Variants in CSMD1 observed in about 807,000 individuals in gnomAD.
The protein encoded by CSMD1 is CUB and Sushi multiple domains 1.
In CSMD1, 213 loss-of-function variants were observed where a neutral mutation model predicts 417.5. The ratio of observed to expected loss-of-function variants is 0.51; its 90% CI spans 0.46 to 0.57. CSMD1 has a LOEUF of 0.57. Ranked by LOEUF, CSMD1 falls within the 20% of genes least tolerant of loss-of-function variation. The pLI, the probability that CSMD1 is intolerant of heterozygous loss-of-function variation, is 0.00. For missense variants in CSMD1, 6,923 were observed against 4,529.7 expected, an observed-to-expected ratio of 1.53 and a Z score of -15.17; for synonymous variants, 2,862 against 1,736.8, an observed-to-expected ratio of 1.65 and a Z score of -16.11.
intron 4 of CSMD1, among the ~76,000 whole-genome samples, chr8:4,009,824 G>C (rs1317183662): frequency 6.6e-6 from 1 of 152,008 alleles, no homozygotes; most frequent in Non-Finnish European, 1.5e-5. Context: ...TGTTCTCAGA[G>C]AGTCAACCCC....
chr8:3,649,892 T>C (rs1797760478), intron 7 of CSMD1, among the ~76,000 whole-genome samples: 1 of 152,220 alleles, frequency 6.6e-6, no homozygotes, highest in South Asian at 2.1e-4. Flanking sequence ...TTGAATACTA[T>C]CTAGCCCAGA....
intron 5 of CSMD1, among the ~76,000 whole-genome samples, chr8:3,883,163 G>A (rs937021948): frequency 1.6e-4 from 24 of 152,078 alleles, no homozygotes; most frequent in African/African-American, 5.8e-4. Flanking sequence ...TCAGGCCTTG[G>A]AATTAAATGG....
intron 3 of CSMD1, among the ~76,000 whole-genome samples, chr8:4,193,474 T>C (rs1050055987): frequency 1.3e-5 from 2 of 151,778 alleles, no homozygotes; most frequent in Admixed American, 6.6e-5. Context: ...GATGGAATGA[T>C]GGACATTAGG....
intron 1 of CSMD1, among the ~76,000 whole-genome samples, chr8:4,956,582 G>A (rs1809127687): frequency 6.7e-6 from 1 of 150,272 alleles, no homozygotes; most frequent in Non-Finnish European, 1.5e-5. Flanking sequence ...AAATACATGT[G>A]TATATCATCA....
chr8:3,525,382 G>C (rs929848119), intron 10 of CSMD1, among the ~76,000 whole-genome samples: 7 of 152,142 alleles, frequency 4.6e-5, no homozygotes, highest in African/African-American at 1.4e-4. Context: ...TTCTAAGGTG[G>C]ATTTAATTTC....
chr8:3,745,319 C>T (rs1383820885), intron 6 of CSMD1, among the ~76,000 whole-genome samples: 1 of 152,130 alleles, frequency 6.6e-6, no homozygotes, highest in Non-Finnish European at 1.5e-5. Context: ...TCTGCAAGAA[C>T]CTGGTTGGAA....
intron 3 of CSMD1, among the ~76,000 whole-genome samples, chr8:4,208,915 C>T (rs1289188660): frequency 6.6e-6 from 1 of 152,106 alleles, no homozygotes; most frequent in African/African-American, 2.4e-5. Flanking sequence ...TATATATGCC[C>T]TGTAGACATA....
rs1023105358 is a variant in CSMD1 at position 4,249,755 on chromosome 8, T to C, written c.415+170198A>G. On this transcript the variant is annotated intron_variant, in intron 3 of 69. Coordinates refer to ENST00000635120, the MANE Select transcript of CSMD1 (RefSeq NM_033225.6). Reference sequence around the variant, plus strand: ...CTCAGTACTGGAGAACAAAGTCTATTAATGGGGGAATTAATGGGGCACTTG... The same window carrying C: ...CTCAGTACTGGAGAACAAAGTCTATCAATGGGGGAATTAATGGGGCACTTG... 4.7e-5 allele frequency among the ~76,000 whole-genome samples: 7 copies of C among 150,532 alleles called. No individual in the cohort carries two copies. In the Admixed American group the frequency reaches 4.7e-4, roughly 10 times the overall value.
intron 5 of CSMD1, among the ~76,000 whole-genome samples, chr8:3,807,499 G>A (rs1800813255): frequency 6.6e-6 from 1 of 152,112 alleles, no homozygotes; most frequent in African/African-American, 2.4e-5. Context: ...AAACATGAAT[G>A]CAGCATTACC....
chr8:3,848,262 A>G (rs1803649007), intron 5 of CSMD1, among the ~76,000 whole-genome samples: 1 of 152,174 alleles, frequency 6.6e-6, no homozygotes, highest in African/African-American at 2.4e-5. Context: ...AGCTGGACCC[A>G]AGTGTTCTGC....
intron 1 of CSMD1, among the ~76,000 whole-genome samples, chr8:4,679,647 C>A (rs1805913265): frequency 6.6e-6 from 1 of 152,076 alleles, no homozygotes; most frequent in Admixed American, 6.5e-5. Context: ...TAATATCTTA[C>A]TAGGAAGTTA....
chr8:4,469,270 G>C (rs1800378616), intron 2 of CSMD1, among the ~76,000 whole-genome samples: 1 of 152,188 alleles, frequency 6.6e-6, no homozygotes. Context: ...CTGCAGCAAA[G>C]ACACTATGAT....
At chr8:4,196,964 T>A (rs1325335723) in intron 3 of CSMD1, among the ~76,000 whole-genome samples, 1 of 152,256 alleles carries the variant, frequency 6.6e-6, no homozygotes, top group African/African-American at 2.4e-5. Context: ...TTTAGTCATT[T>A]GAGCCTCACC....
At chr8:3,561,258 C>G (rs573826149) in intron 10 of CSMD1, among the ~76,000 whole-genome samples, 3 of 152,186 alleles carry the variant, frequency 2.0e-5, no homozygotes, top group African/African-American at 2.4e-5. Context: ...GGAACTCCCA[C>G]TTCACTCAGC....
At chr8:4,602,240 G>A (rs1800628935) in intron 2 of CSMD1, among the ~76,000 whole-genome samples, 1 of 152,054 alleles carries the variant, frequency 6.6e-6, no homozygotes, top group African/African-American at 2.4e-5. Flanking sequence ...ATGTTGTTGG[G>A]AGTTATTTTA....
chr8:4,959,527 G>T (rs796153173), intron 1 of CSMD1, among the ~76,000 whole-genome samples: 5 of 152,328 alleles, frequency 3.3e-5, no homozygotes, highest in African/African-American at 1.2e-4. Flanking sequence ...ACAACTTCCA[G>T]CTGCTCCATG....
intron 1 of CSMD1, among the ~76,000 whole-genome samples, chr8:4,863,772 G>T (rs1028114598): frequency 6.6e-6 from 1 of 151,938 alleles, no homozygotes; most frequent in East Asian, 1.9e-4. Flanking sequence ...GTGTTGATTT[G>T]TATATTTTCT....
At chr8:4,417,584 C>A (rs75632130) in intron 3 of CSMD1, among the ~76,000 whole-genome samples, 1 of 151,848 alleles carries the variant, frequency 6.6e-6, no homozygotes, top group South Asian at 2.1e-4. Flanking sequence ...TGCCTTTATA[C>A]GTCTTGGATT....
At chr8:4,129,963 T>C (rs1802995778) in intron 3 of CSMD1, among the ~76,000 whole-genome samples, 1 of 152,204 alleles carries the variant, frequency 6.6e-6, no homozygotes, top group Non-Finnish European at 1.5e-5. Flanking sequence ...AAATTTTCAG[T>C]TTCTTCCCAG....
Sources: gnomAD v4.1 joint callset for allele counts (sites outside exome capture counted in the v4.1 genomes callset) on GRCh38, gnomAD v4.1.1 for gene constraint, MANE v1.5 for transcripts, NCBI Gene and HGNC (gene_info 2026-07-23, HGNC 2026-07-21) for gene names.